The following XKR4 variants were observed in gnomAD, a reference collection of about 807,000 sequenced individuals.
The protein encoded by XKR4 is XK related 4.
In XKR4, 12 loss-of-function variants were observed where a neutral mutation model predicts 53.9. The ratio of observed to expected loss-of-function variants is 0.22; its 90% CI spans 0.14 to 0.36. The LOEUF is 0.36. Ranked by LOEUF, XKR4 falls within the 10% of genes least tolerant of loss-of-function variation. The pLI is 1.00. For missense variants in XKR4, 799 were observed against 859.5 expected, an observed-to-expected ratio of 0.93 and a Z score of 0.88; for synonymous variants, 354 against 362.4, an observed-to-expected ratio of 0.98 and a Z score of 0.26.
intron 1 of XKR4, among the ~76,000 whole-genome samples, chr8:55,174,978 T>C (rs1331122370): frequency 6.6e-6 from 1 of 152,250 alleles, no homozygotes; most frequent in Admixed American, 6.5e-5. Flanking sequence ...GGAGATGTGA[T>C]GGAGGTCAGC....
At chr8:55,205,798 G>T (rs1817639304) in intron 1 of XKR4, among the ~76,000 whole-genome samples, 1 of 152,178 alleles carries the variant, frequency 6.6e-6, no homozygotes, top group South Asian at 2.1e-4. Flanking sequence ...TCCGGAATTG[G>T]TTCCCTCCGG....
rs1307922358 is a variant in XKR4, at chr8:55,529,519, C to A, written c.*5292C>A. ...CCTAGTGCTGGACTAAGAGCTGTAT[C>A]TATGTGGTTTCATTTAGTCCTCACT... On this transcript the variant is annotated 3_prime_UTR_variant, in exon 3 of 3. Coordinates refer to ENST00000327381, the MANE Select transcript of XKR4 (RefSeq NM_052898.2). The A allele has an allele frequency of 2.0e-5, 3 of 152,168 alleles. No homozygotes were observed. The highest frequency in any genetic ancestry group is 2.9e-5 in the Non-Finnish European group (2 of 68,028). 9.4% of individuals were successfully genotyped at this position (152,168 alleles called of 1,614,324 possible).
At chr8:55,230,172 T>C (rs921303834) in intron 1 of XKR4, among the ~76,000 whole-genome samples, 3 of 152,174 alleles carry the variant, frequency 2.0e-5, no homozygotes, top group African/African-American at 7.2e-5. Context: ...TTTAAAAATC[T>C]CCAGTGACTC....
intron 1 of XKR4, among the ~76,000 whole-genome samples, chr8:55,349,829 A>G (rs879944108): frequency 2.6e-5 from 4 of 152,212 alleles, no homozygotes; most frequent in African/African-American, 9.6e-5. Context: ...TCTAGAGAAC[A>G]ATTTTACAAT....
At chr8:55,438,009 A>G (rs770141508) in intron 2 of XKR4, among the ~76,000 whole-genome samples, 5 of 152,128 alleles carry the variant, frequency 3.3e-5, no homozygotes, top group Non-Finnish European at 5.9e-5. Flanking sequence ...ACAGGCAGAA[A>G]CAAGATGAAT....
chr8:55,199,833 T>C (rs1817555860), intron 1 of XKR4, among the ~76,000 whole-genome samples: 1 of 152,264 alleles, frequency 6.6e-6, no homozygotes, highest in Non-Finnish European at 1.5e-5. Flanking sequence ...TTATGCACTT[T>C]ATTTGCATTG....
chr8:55,179,224 A>C lies in XKR4; in HGVS notation c.806+75930A>C, dbSNP rs1370259576. On this transcript the variant is annotated intron_variant, in intron 1 of 2. Coordinates refer to ENST00000327381, the MANE Select transcript of XKR4 (RefSeq NM_052898.2). ...TATCTACCTTAGAAACTTTAAAATA[A>C]AGCAGGCTAATTTTTCTGAGATGGT... 2.6e-5 allele frequency among the ~76,000 whole-genome samples: 4 copies of C among 152,288 alleles called. No individual in the cohort carries two copies. In the South Asian group the frequency reaches 6.2e-4, roughly 24 times the overall value.
At chr8:55,217,653 A>C (rs1563485674) in intron 1 of XKR4, among the ~76,000 whole-genome samples, 2 of 152,234 alleles carry the variant, frequency 1.3e-5, no homozygotes, top group Non-Finnish European at 2.9e-5. Context: ...ACAACTAAAA[A>C]GAGTTGTGGA....
intron 2 of XKR4, among the ~76,000 whole-genome samples, chr8:55,429,362 C>A (rs1012895450): frequency 1.3e-5 from 2 of 151,228 alleles, no homozygotes; most frequent in African/African-American, 4.9e-5. Flanking sequence ...GGATCTAGAG[C>A]AAAGAGTTTT....
intron 2 of XKR4, among the ~76,000 whole-genome samples, chr8:55,501,459 C>T (rs1225891599): frequency 6.4e-5 from 9 of 141,278 alleles, no homozygotes; most frequent in Non-Finnish European, 4.5e-5. Flanking sequence ...ACTGTTAATT[C>T]TCCCCTCACC....
At chr8:55,192,746 G>A (rs990925682) in intron 1 of XKR4, among the ~76,000 whole-genome samples, 2 of 152,164 alleles carry the variant, frequency 1.3e-5, no homozygotes, top group African/African-American at 4.8e-5. Flanking sequence ...GATTTGTGGG[G>A]CAAATGGGGG....
At chr8:55,329,336 A>T (rs1803348512) in intron 1 of XKR4, among the ~76,000 whole-genome samples, 1 of 152,012 alleles carries the variant, frequency 6.6e-6, no homozygotes, top group Admixed American at 6.6e-5. Context: ...ATTGCTGCCC[A>T]ACACAAATTC....
intron 1 of XKR4, among the ~76,000 whole-genome samples, chr8:55,123,773 G>A (rs1410428899): frequency 1.3e-5 from 2 of 152,324 alleles, no homozygotes; most frequent in South Asian, 2.1e-4. Context: ...CCAAGTGACA[G>A]CCATGATTTA....
At chr8:55,266,708 G>A (rs1818607026) in intron 1 of XKR4, among the ~76,000 whole-genome samples, 1 of 152,164 alleles carries the variant, frequency 6.6e-6, no homozygotes, top group Non-Finnish European at 1.5e-5. Context: ...AAAGAATTAA[G>A]AAGGAAGCTG....
chr8:55,178,605 G>A (rs1817265102), intron 1 of XKR4, among the ~76,000 whole-genome samples: 2 of 152,140 alleles, frequency 1.3e-5, no homozygotes, highest in Admixed American at 1.3e-4. Context: ...TTGTACTGTG[G>A]TGGAAGAGAG....
intron 1 of XKR4, among the ~76,000 whole-genome samples, chr8:55,208,585 G>A (rs1040048765): frequency 1.3e-5 from 2 of 151,930 alleles, no homozygotes; most frequent in Non-Finnish European, 2.9e-5. Flanking sequence ...TCCTGCCTCA[G>A]CCTCCCAAGT....
At chr8:55,237,169 A>C (rs11784352) in intron 1 of XKR4, among the ~76,000 whole-genome samples, 119,453 of 152,062 alleles carry the variant, frequency 0.79, 49,184 homozygotes, top group Non-Finnish European at 0.92. Flanking sequence ...CTTCGCGGAG[A>C]TGAATTCCTT....
intron 1 of XKR4, among the ~76,000 whole-genome samples, chr8:55,113,048 G>A (rs1816254806): frequency 6.6e-6 from 1 of 151,958 alleles, no homozygotes; most frequent in Non-Finnish European, 1.5e-5. Flanking sequence ...GTTCTAGAGG[G>A]GTGTGGGTTT....
intron 1 of XKR4, 136 bp from the exon 2 acceptor site, chr8:55,357,542 T>G (rs1803837954): frequency 4.7e-6 from 4 of 851,374 alleles, no homozygotes; most frequent in Non-Finnish European, 7.2e-6. Flanking sequence ...CTTTGGACTT[T>G]AACTCATAAG....
Sources: allele counts gnomAD v4.1 joint callset (sites outside exome capture counted in the v4.1 genomes callset), GRCh38; gene constraint gnomAD v4.1.1; transcripts MANE v1.5; gene names NCBI Gene and HGNC (gene_info 2026-07-23, HGNC 2026-07-21).